KCNH1: variants seen among roughly 807,000 people sequenced by gnomAD.
KCNH1 encodes the protein voltage-gated delayed rectifier potassium channel KCNH1.
Under a neutral mutation model 69.2 loss-of-function variants are expected in KCNH1, and 27 were observed. That is an observed-to-expected ratio of 0.39 (90% CI 0.29 to 0.54). KCNH1 has a LOEUF of 0.54. Among genes scored for constraint, KCNH1 ranks in the 20% least tolerant of loss-of-function variants. KCNH1 has a pLI of 0.68. For missense variants in KCNH1, 798 were observed against 1,261.6 expected (o/e 0.63, Z 5.57); for synonymous variants, 456 against 487.7 (o/e 0.93, Z 0.86).
At chr1:210,914,118 T>C (rs1264899782) in intron 7 of KCNH1, among the ~76,000 whole-genome samples, 1 of 152,156 alleles carries the variant, frequency 6.6e-6, no homozygotes, top group African/African-American at 2.4e-5. Context: ...AAAATTTTGT[T>C]GATGCCACTT....
At chr1:210,740,527 C>A (rs930758553) in intron 10 of KCNH1, among the ~76,000 whole-genome samples, 6 of 151,950 alleles carry the variant, frequency 3.9e-5, no homozygotes, top group African/African-American at 1.5e-4. Flanking sequence ...TATACTCTGC[C>A]AGAAGCTGGT....
chr1:210,933,235 T>A (rs4523579), intron 6 of KCNH1, among the ~76,000 whole-genome samples: 97,514 of 151,734 alleles, frequency 0.64, 31,579 homozygotes, highest in East Asian at 0.83. Flanking sequence ...AAATTGGAAA[T>A]CATCATTCTC....
chr1:211,046,339 A>G (rs1690094695), intron 5 of KCNH1, among the ~76,000 whole-genome samples: 1 of 152,196 alleles, frequency 6.6e-6, no homozygotes, highest in Admixed American at 6.6e-5. Context: ...AATTATGTGT[A>G]CCTTCCTTGA....
intron 7 of KCNH1, among the ~76,000 whole-genome samples, chr1:210,852,793 T>C (rs968018799): frequency 6.6e-6 from 1 of 152,196 alleles, no homozygotes; most frequent in Non-Finnish European, 1.5e-5. Context: ...ACACTAGCTT[T>C]ACTAATCAAG....
chr1:210,979,887 A>G (rs2102376197), intron 6 of KCNH1, among the ~76,000 whole-genome samples: 1 of 152,326 alleles, frequency 6.6e-6, no homozygotes, highest in East Asian at 1.9e-4. Flanking sequence ...AGGAGGCAAT[A>G]TTAATTAGGG....
intron 10 of KCNH1, among the ~76,000 whole-genome samples, chr1:210,749,822 G>A (rs1434571462): frequency 6.7e-6 from 1 of 148,804 alleles, no homozygotes. Context: ...ATCTCATTGC[G>A]GCCTCCTCCT....
chr1:210,754,088 T>C (rs1388006711), intron 10 of KCNH1, among the ~76,000 whole-genome samples: 2 of 151,894 alleles, frequency 1.3e-5, no homozygotes, highest in African/African-American at 4.8e-5. Flanking sequence ...CTAATTTTTT[T>C]TTTTGTATTT....
intron 10 of KCNH1, among the ~76,000 whole-genome samples, chr1:210,775,067 G>A (rs528197103): frequency 6.6e-6 from 1 of 152,126 alleles, no homozygotes; most frequent in East Asian, 1.9e-4. Context: ...ATGCTAGCAG[G>A]TCTAGATATT....
At chr1:210,770,320 T>C (rs1475178605) in intron 10 of KCNH1, among the ~76,000 whole-genome samples, 1 of 152,194 alleles carries the variant, frequency 6.6e-6, no homozygotes, top group African/African-American at 2.4e-5. Context: ...CATGTATACC[T>C]ATGTAACAAA....
At chr1:210,887,952 C>A (rs1237390817) in intron 7 of KCNH1, among the ~76,000 whole-genome samples, 2 of 152,072 alleles carry the variant, frequency 1.3e-5, no homozygotes. Flanking sequence ...GACTTCCACA[C>A]AATAATAGTG....
At chr1:210,801,823 G>T (rs1684433863) in intron 8 of KCNH1, among the ~76,000 whole-genome samples, 2 of 152,240 alleles carry the variant, frequency 1.3e-5, no homozygotes, top group Admixed American at 6.5e-5. Context: ...GTTGGCAAAA[G>T]CAGCGACTAA....
intron 7 of KCNH1, among the ~76,000 whole-genome samples, chr1:210,840,424 C>A (rs764030345): frequency 6.6e-6 from 1 of 152,134 alleles, no homozygotes; most frequent in Non-Finnish European, 1.5e-5. Flanking sequence ...AGGAAAGAAA[C>A]CATGAGGAAC....
chr1:210,777,483 G>A (rs765148663), intron 9 of KCNH1, among the ~76,000 whole-genome samples: 6 of 152,096 alleles, frequency 3.9e-5, no homozygotes, highest in Non-Finnish European at 7.4e-5. Context: ...CTGTAACATG[G>A]GTGGCTAATT....
At chr1:210,973,709 T>C (rs1043361876) in intron 6 of KCNH1, among the ~76,000 whole-genome samples, 9 of 152,180 alleles carry the variant, frequency 5.9e-5, no homozygotes, top group Non-Finnish European at 7.4e-5. Flanking sequence ...TTTTCTTTGA[T>C]GAAAATAATA....
At chr1:211,130,571 A>G (rs902725607) in intron 1 of KCNH1, among the ~76,000 whole-genome samples, 3 of 152,214 alleles carry the variant, frequency 2.0e-5, no homozygotes, top group East Asian at 3.8e-4. Context: ...GAATAAACCA[A>G]AAACAACTGC....
chr1:210,924,728 C>T (rs2102568081), intron 6 of KCNH1, among the ~76,000 whole-genome samples: 1 of 152,260 alleles, frequency 6.6e-6, no homozygotes, highest in African/African-American at 2.4e-5. Flanking sequence ...ATATCACCAC[C>T]AGCAATGCTG....
chr1:210,818,028 G>T (rs137858733), intron 7 of KCNH1, among the ~76,000 whole-genome samples: 1 of 152,022 alleles, frequency 6.6e-6, no homozygotes, highest in Non-Finnish European at 1.5e-5. Context: ...AGGCAAATTC[G>T]TCCTGATTTG....
chr1:210,947,531 C>T (rs1284605472), intron 6 of KCNH1, among the ~76,000 whole-genome samples: 3 of 150,748 alleles, frequency 2.0e-5, no homozygotes, highest in Non-Finnish European at 4.4e-5. Flanking sequence ...GCAGAGATCA[C>T]GCCACTGCAC....
chr1:211,030,078 C>T lies in KCNH1; in HGVS notation c.559-10822G>A, dbSNP rs539472927. On this transcript the variant is annotated intron_variant, in intron 5 of 10. Transcript: ENST00000271751. ...ACAAAACATACTGAAGATATCCATTCGCTCCAAATCGTTATACAAGTTTAG... is the reference window on the plus strand; with the variant it reads ...ACAAAACATACTGAAGATATCCATTTGCTCCAAATCGTTATACAAGTTTAG... 9.2e-5 allele frequency among the ~76,000 whole-genome samples: 14 copies of T among 152,264 alleles called. No homozygotes were observed. The South Asian group carries it at 2.3e-3, about 25-fold the overall frequency.
Sources: allele counts gnomAD v4.1 joint callset (sites outside exome capture counted in the v4.1 genomes callset), GRCh38; gene constraint gnomAD v4.1.1; transcripts MANE v1.5; gene names NCBI Gene and HGNC (gene_info 2026-07-23, HGNC 2026-07-21).